Variants in PPFIA2 observed in about 807,000 individuals in gnomAD.
The protein encoded by PPFIA2 is liprin-alpha-2.
PPFIA2 carries 46 observed loss-of-function variants against 175.5 expected under a neutral mutation model. That is an observed-to-expected ratio of 0.26 (90% CI 0.21 to 0.34). The LOEUF is 0.34. PPFIA2 is among the 10% of genes least tolerant of loss of function. The pLI is 1.00. For synonymous variants in PPFIA2, 568 were observed against 511.4 expected (o/e 1.11, Z -1.49); for missense variants, 1,179 against 1,506.1 (o/e 0.78, Z 3.60).
chr12:81,539,144 ACT>A (rs772978642), intron 4 of PPFIA2, among the ~76,000 whole-genome samples: 1 of 151,774 alleles, frequency 6.6e-6, no homozygotes, highest in African/African-American at 2.4e-5. Context: ...GATGGGGAAG[ACT>A]CTGCGGGGAG....
At chr12:81,467,287 G>T (rs765593521) in intron 4 of PPFIA2, among the ~76,000 whole-genome samples, 1 of 152,116 alleles carries the variant, frequency 6.6e-6, no homozygotes, top group Admixed American at 6.5e-5. Flanking sequence ...TTTACATTAC[G>T]ACTACCTAAG....
At chr12:81,359,969 T>C (rs1284359743) in intron 15 of PPFIA2, among the ~76,000 whole-genome samples, 1 of 152,084 alleles carries the variant, frequency 6.6e-6, no homozygotes, top group Non-Finnish European at 1.5e-5. Context: ...CTTCTTTCAA[T>C]TCCAGTAACT....
chr12:81,347,250 G>A (rs1422877941), intron 18 of PPFIA2, among the ~76,000 whole-genome samples: 1 of 151,974 alleles, frequency 6.6e-6, no homozygotes, highest in East Asian at 1.9e-4. Flanking sequence ...ACTATGCCCA[G>A]AAATTCATTG....
chr12:81,261,620 T>C (rs2035572543), intron 32 of PPFIA2, among the ~76,000 whole-genome samples: 1 of 152,200 alleles, frequency 6.6e-6, no homozygotes, highest in South Asian at 2.1e-4. Context: ...TTTAAAGTGC[T>C]GAATTATTAT....
intron 22 of PPFIA2, among the ~76,000 whole-genome samples, chr12:81,305,318 G>T (rs1012511132): frequency 4.6e-5 from 7 of 152,056 alleles, no homozygotes; most frequent in African/African-American, 1.2e-4. Context: ...GCAATTCATT[G>T]TGTGTGCTAC....
At chr12:81,384,358 T>A in intron 8 of PPFIA2, 114 bp from the exon 9 acceptor site, 1 of 822,428 alleles carries the variant, frequency 1.2e-6, no homozygotes, top group Non-Finnish European at 1.8e-6. Context: ...AATAAGAAAT[T>A]CTGAAAAGAA....
chr12:81,560,067 G>T (rs890126805), intron 4 of PPFIA2, among the ~76,000 whole-genome samples: 4 of 152,070 alleles, frequency 2.6e-5, no homozygotes, highest in African/African-American at 7.2e-5. Context: ...ACTGAGGTTT[G>T]AATTGACGTA....
intron 4 of PPFIA2, among the ~76,000 whole-genome samples, chr12:81,552,114 T>C (rs2068030417): frequency 6.6e-6 from 1 of 151,638 alleles, no homozygotes; most frequent in Admixed American, 6.6e-5. Context: ...ATAATATTTA[T>C]CACTATTATA....
At chr12:81,675,526 C>T (rs1381937583) in intron 4 of PPFIA2, 1 of 151,982 alleles carries the variant, frequency 6.6e-6, no homozygotes, top group Non-Finnish European at 1.5e-5. Context: ...GAACAAGAGA[C>T]AAATCCTTTG....
intron 4 of PPFIA2, among the ~76,000 whole-genome samples, chr12:81,612,015 C>T (rs983942445): frequency 6.6e-6 from 1 of 152,128 alleles, no homozygotes; most frequent in African/African-American, 2.4e-5. Context: ...TGCCAGCTTC[C>T]TTTCTATTCA....
rs61756412 is a variant in PPFIA2, at chr12:81,281,313, A to T, written c.3156T>A (p.Asp1052Glu). 1 of 1,611,398 alleles carries T rather than the reference A, an allele frequency of 6.2e-7. No individual in the cohort carries two copies. The highest frequency in any genetic ancestry group is 8.5e-7 in the Non-Finnish European group (1 of 1,178,290). Residue 1052 changes from aspartate (D) to glutamate (E), a missense_variant, in exon 27 of 33, where the codon GAT (aspartate) becomes GAA (glutamate). Transcript: ENST00000549396. Reference protein sequence around the residue: ...MECLVDARMLDHLTKKDLRVH... With the variant: ...MECLVDARMLEHLTKKDLRVH... ...CACGGAGATCTTTTTTTGTTAGGTG[A>T]TCTAACATTCTTGCATCTACCAAGC...
intron 22 of PPFIA2, among the ~76,000 whole-genome samples, chr12:81,304,692 A>C (rs2048713484): frequency 6.6e-6 from 1 of 152,054 alleles, no homozygotes; most frequent in African/African-American, 2.4e-5. Flanking sequence ...GATAAAAGCC[A>C]AGAAGGGCCA....
In PPFIA2 at chr12:81,658,097, C is replaced by A. The variant is rs2068072798; in HGVS notation, c.303+18694G>T. ...CAGCCTGACCAACAAGGAGAAATCCCATCTCTACTAAAAATACAAAATTAG... is the reference window on the plus strand; with the variant it reads ...CAGCCTGACCAACAAGGAGAAATCCAATCTCTACTAAAAATACAAAATTAG... On this transcript the variant is annotated intron_variant, in intron 4 of 32. Coordinates refer to ENST00000549396, the MANE Select transcript of PPFIA2 (RefSeq NM_003625.5). Among the ~76,000 whole-genome samples, 4 of 151,898 alleles carry A rather than the reference C, an allele frequency of 2.6e-5. No homozygotes were observed. The South Asian group carries it at 6.2e-4, about 24-fold the overall frequency.
intron 8 of PPFIA2, among the ~76,000 whole-genome samples, chr12:81,395,009 C>A (rs1468406849): frequency 1.3e-5 from 2 of 151,820 alleles, no homozygotes; most frequent in Non-Finnish European, 2.9e-5. Flanking sequence ...ATGTCTTGGA[C>A]AATAACAATA....
chr12:81,288,846 A>T (rs1227883345), intron 24 of PPFIA2, among the ~76,000 whole-genome samples: 1 of 151,764 alleles, frequency 6.6e-6, no homozygotes, highest in Non-Finnish European at 1.5e-5. Context: ...TCTCTTTTCA[A>T]TAAAGGTTAA....
At chr12:81,635,205 A>G (rs746214717) in intron 4 of PPFIA2, among the ~76,000 whole-genome samples, 1 of 152,180 alleles carries the variant, frequency 6.6e-6, no homozygotes, top group Non-Finnish European at 1.5e-5. Context: ...ACTTTAGAGT[A>G]AGAATCTCCT....
Position 81,386,461 on chromosome 12 carries a change from A to G in PPFIA2, c.763-2217T>C, listed in dbSNP as rs74675615. 3.6e-3 allele frequency among the ~76,000 whole-genome samples: 553 copies of G among 151,788 alleles called. 1 individual carries two copies. Among genetic ancestry groups the G allele is most frequent in the African/African-American group, 0.013 (524 of 41,382 alleles). ...CAACATGGGGAGACTCCAACTCTAAAAAATAGGAAAATTAGCCAGGTGTTG... is the reference window on the plus strand; with the variant it reads ...CAACATGGGGAGACTCCAACTCTAAGAAATAGGAAAATTAGCCAGGTGTTG... On this transcript the variant is annotated intron_variant, in intron 8 of 32. Coordinates refer to ENST00000549396, the MANE Select transcript of PPFIA2 (RefSeq NM_003625.5).
At chr12:81,263,449 A>G (rs2036265678) in intron 30 of PPFIA2, 59 bp from the exon 31 acceptor site, 2 of 1,465,186 alleles carry the variant, frequency 1.4e-6, no homozygotes, top group African/African-American at 1.4e-5. Context: ...CATGTGCTTA[A>G]AGCTCTGTGC....
At chr12:81,552,476 T>C (rs2068084842) in intron 4 of PPFIA2, among the ~76,000 whole-genome samples, 1 of 152,012 alleles carries the variant, frequency 6.6e-6, no homozygotes, top group Non-Finnish European at 1.5e-5. Context: ...AACCAATGTA[T>C]AGGTTTCTGA....
Sources: allele counts gnomAD v4.1 joint callset (sites outside exome capture counted in the v4.1 genomes callset), GRCh38; gene constraint gnomAD v4.1.1; transcripts MANE v1.5; gene names NCBI Gene and HGNC (gene_info 2026-07-23, HGNC 2026-07-21).